SCML2: variants seen among roughly 807,000 people sequenced by gnomAD.
SCML2 encodes Scm polycomb group protein like 2.
SCML2 carries 6 observed loss-of-function variants against 48.4 expected under a neutral mutation model. That is an observed-to-expected ratio of 0.12 (90% confidence interval 0.07 to 0.24). SCML2 has a LOEUF of 0.24. SCML2 is among the 10% of genes least tolerant of loss of function. The pLI is 1.00. For synonymous variants in SCML2, 181 were observed against 189.5 expected (o/e 0.95, Z 0.37); for missense variants, 377 against 528.2 (o/e 0.71, Z 2.81).
intron 14 of SCML2, 27 bp downstream of exon 14, chrX:18,242,412 G>T (rs751542848): frequency 2.7e-5 from 31 of 1,167,088 alleles, no homozygotes; most frequent in Non-Finnish European, 3.4e-5. Flanking sequence ...CATTACGGCA[G>T]GAAAACCGGA....
intron 3 of SCML2, among the ~76,000 whole-genome samples, chrX:18,325,880 T>C (rs1373874943): frequency 8.9e-6 from 1 of 112,399 alleles, no homozygotes; most frequent in Non-Finnish European, 1.9e-5. Flanking sequence ...CCTGGAAGAA[T>C]CTACGTTTAC....
chrX:18,284,723 T>C (rs1323644336), intron 7 of SCML2, among the ~76,000 whole-genome samples: 1 of 112,221 alleles, frequency 8.9e-6, no homozygotes, highest in Non-Finnish European at 1.9e-5. Context: ...CCAGTCAGAA[T>C]GGCTATTATT....
chrX:18,338,642 G>A (rs1310705723), intron 1 of SCML2, among the ~76,000 whole-genome samples: 1 of 109,169 alleles, frequency 9.2e-6, no homozygotes, highest in African/African-American at 3.3e-5. Flanking sequence ...GCTGGGTGTG[G>A]TGGCTCACAT....
chrX:18,325,968 T>C, intron 3 of SCML2, among the ~76,000 whole-genome samples: 1 of 112,403 alleles, frequency 8.9e-6, no homozygotes, highest in Middle Eastern at 4.6e-3. Flanking sequence ...CAAAAAAACC[T>C]ACAGAGTGCT....
chrX:18,265,554 A>G (rs879247742), intron 8 of SCML2, 31 bp downstream of exon 8: 1 of 1,084,171 alleles, frequency 9.2e-7, no homozygotes, highest in Non-Finnish European at 1.3e-6. Flanking sequence ...ATAAAAACCT[A>G]TAATACAAAT....
chrX:18,267,916 C>T (rs1927312226), intron 7 of SCML2, among the ~76,000 whole-genome samples: 1 of 111,153 alleles, frequency 9.0e-6, no homozygotes, highest in Non-Finnish European at 1.9e-5. Flanking sequence ...TCTTTGTTTG[C>T]TTATTTTTCT....
chrX:18,276,585 T>C (rs190899588), intron 7 of SCML2, among the ~76,000 whole-genome samples: 144 of 112,031 alleles, frequency 1.3e-3, no homozygotes, highest in Admixed American at 4.0e-3. Flanking sequence ...AGCCTAAATG[T>C]CCATCAACGG....
chrX:18,326,129 A>G (rs1461034677), intron 3 of SCML2, among the ~76,000 whole-genome samples: 2 of 112,468 alleles, frequency 1.8e-5, no homozygotes. Context: ...AAAGATGTAC[A>G]CAATTGGCTC....
intron 6 of SCML2, 134 bp from the exon 7 acceptor site, chrX:18,305,349 T>A: frequency 1.9e-6 from 1 of 540,297 alleles, no homozygotes; most frequent in Non-Finnish European, 3.0e-6. Flanking sequence ...AATTATCAAT[T>A]AATACAGGAA....
At chrX:18,292,951 A>G (rs1000891810) in intron 7 of SCML2, among the ~76,000 whole-genome samples, 1 of 111,402 alleles carries the variant, frequency 9.0e-6, no homozygotes, top group African/African-American at 3.3e-5. Context: ...GAACAACTAT[A>G]CCATAACTTA....
intron 11 of SCML2, among the ~76,000 whole-genome samples, chrX:18,254,219 G>A (rs1369965030): frequency 1.8e-5 from 2 of 112,304 alleles, no homozygotes; most frequent in East Asian, 5.6e-4. Flanking sequence ...CAGAATCAAA[G>A]TCTCCTAAGA....
At chrX:18,246,078 C>T (rs759997198) in intron 13 of SCML2, among the ~76,000 whole-genome samples, 8 of 111,978 alleles carry the variant, frequency 7.1e-5, no homozygotes, top group Non-Finnish European at 1.9e-5. Flanking sequence ...GGATATTGCC[C>T]TACTTATACA....
intron 8 of SCML2, among the ~76,000 whole-genome samples, chrX:18,264,567 T>C (rs181930111): frequency 1.2e-3 from 137 of 110,841 alleles, no homozygotes; most frequent in African/African-American, 4.2e-3. Flanking sequence ...CTTGGGTCTG[T>C]CTCAGTTGAT....
At chrX:18,322,398 A>T (rs1021730876) in intron 5 of SCML2, among the ~76,000 whole-genome samples, 1 of 112,245 alleles carries the variant, frequency 8.9e-6, no homozygotes. Flanking sequence ...AACATACCAT[A>T]TTGCAACAAG....
intron 3 of SCML2, among the ~76,000 whole-genome samples, chrX:18,326,253 T>G (rs768793287): frequency 5.4e-4 from 61 of 112,370 alleles, no homozygotes; most frequent in African/African-American, 1.8e-3. Flanking sequence ...ATGTAACATT[T>G]TGCACCTTGC....
At chrX:18,350,233 C>T (rs1930329845) in intron 1 of SCML2, among the ~76,000 whole-genome samples, 1 of 109,285 alleles carries the variant, frequency 9.2e-6, no homozygotes, top group African/African-American at 3.3e-5. Flanking sequence ...GAGCCAAGAT[C>T]ACACCACCGC....
chrX:18,317,342 C>A (rs750306328), intron 6 of SCML2, among the ~76,000 whole-genome samples: 1 of 111,985 alleles, frequency 8.9e-6, no homozygotes, highest in Non-Finnish European at 1.9e-5. Context: ...ATCATCCATC[C>A]TTACAGTTAA....
At chrX:18,317,777 T>G (rs1929174335) in intron 6 of SCML2, among the ~76,000 whole-genome samples, 1 of 95,238 alleles carries the variant, frequency 1.0e-5, no homozygotes, top group Admixed American at 1.3e-4. Context: ...GAGCTTGCAG[T>G]GAGCCGAGAT....
At chrX:18,286,901 A>C (rs748656933) in intron 7 of SCML2, among the ~76,000 whole-genome samples, 1 of 111,085 alleles carries the variant, frequency 9.0e-6, no homozygotes, top group Non-Finnish European at 1.9e-5. Context: ...GTTTTTATAA[A>C]AATTGTACCT....
Sources: allele counts gnomAD v4.1 joint callset (sites outside exome capture counted in the v4.1 genomes callset), GRCh38; gene constraint gnomAD v4.1.1; transcripts MANE v1.5; gene names NCBI Gene and HGNC (gene_info 2026-07-23, HGNC 2026-07-21).